The following SLCO1B3 variants were observed in gnomAD, a reference collection of about 807,000 sequenced individuals.
The protein encoded by SLCO1B3 is solute carrier organic anion transporter family member 1B3, also known as liver-specific organic anion transporter 2.
In SLCO1B3, 72 loss-of-function variants were observed where a neutral mutation model predicts 71.8. The ratio of observed to expected loss-of-function variants is 1.00; its 90% CI spans 0.83 to 1.22. The LOEUF (loss-of-function observed/expected upper bound fraction) is 1.22, where lower values mean the gene tolerates loss of function less well. Ranked by LOEUF, SLCO1B3 falls within the 50% of genes most tolerant of loss-of-function variation. SLCO1B3 has a pLI of 0.00. For synonymous variants in SLCO1B3, 298 were observed against 278.4 expected (o/e 1.07, Z -0.70); for missense variants, 911 against 819.7 (o/e 1.11, Z -1.36).
intron 8 of SLCO1B3, among the ~76,000 whole-genome samples, chr12:20,872,126 C>T (rs920909967): frequency 6.6e-6 from 1 of 151,962 alleles, no homozygotes; most frequent in Non-Finnish European, 1.5e-5. Context: ...CTCTTCTCTC[C>T]CCTTGCCACA....
intron 15 of SLCO1B3, among the ~76,000 whole-genome samples, chr12:20,902,516 C>G (rs1033227704): frequency 6.6e-6 from 1 of 152,008 alleles, no homozygotes; most frequent in Non-Finnish European, 1.5e-5. Context: ...TACATATGGA[C>G]ACAAAGAAGG....
At chr12:20,907,096 G>A (rs1374537185) in intron 15 of SLCO1B3, among the ~76,000 whole-genome samples, 1 of 152,084 alleles carries the variant, frequency 6.6e-6, no homozygotes, top group Non-Finnish European at 1.5e-5. Flanking sequence ...TATATATTAT[G>A]TGAAAAAAGG....
At position 20,881,016 on chromosome 12, in the gene SLCO1B3, A is replaced by G. The variant is rs766687410; in HGVS notation, c.1493A>G (p.His498Arg). The G allele has an allele frequency of 1.9e-5, 31 of 1,600,672 alleles. No individual in the cohort carries two copies. In the South Asian group the frequency reaches 3.0e-4, roughly 16 times the overall value. The change falls in exon 12 of 16, where the codon CAT becomes CGT. Residue 498 changes from histidine (H) to arginine (R), a missense_variant. By Grantham distance (29) the His-to-Arg change is conservative. Transcript: ENST00000381545. ...AAATCCTCAAGTGGTATTAAAAAGC[A>G]TACAGTGAGTATTAGTTTTCACTTT... ...GCKSSSGIKK[H>R]TVFYNCSCVE...
At chr12:20,904,670 C>G (rs181319389) in intron 15 of SLCO1B3, among the ~76,000 whole-genome samples, 37 of 151,632 alleles carry the variant, frequency 2.4e-4, no homozygotes, top group African/African-American at 8.5e-4. Context: ...GAAGTCCAAC[C>G]CCACATTTTC....
chr12:20,865,979 A>G (rs1865366359), intron 8 of SLCO1B3, among the ~76,000 whole-genome samples: 1 of 152,082 alleles, frequency 6.6e-6, no homozygotes, highest in South Asian at 2.1e-4. Flanking sequence ...TTAAAATGCC[A>G]TGTGTCATTC....
At chr12:20,875,518 C>A in intron 9 of SLCO1B3, 41 bp downstream of exon 9, 1 of 1,567,862 alleles carries the variant, frequency 6.4e-7, no homozygotes, top group Non-Finnish European at 8.6e-7. Context: ...AATTGTTAAT[C>A]TCAATGAAAC....
rs1865215090 is a variant in SLCO1B3 at position 20,859,684 on chromosome 12, A to AT, written c.359+1118dup. ...TCTTCTTAATATCTTATTCTTCATT[A>AT]TTTTTATGGAGAATATGCCTTAAAT... On this transcript the variant is annotated intron_variant, in intron 5 of 15. Coordinates refer to ENST00000381545, the MANE Select transcript of SLCO1B3 (RefSeq NM_019844.4). 4.6e-5 allele frequency among the ~76,000 whole-genome samples: 7 copies of AT among 151,700 alleles called. No homozygotes were observed. The South Asian group carries it at 1.5e-3, about 32-fold the overall frequency.
In SLCO1B3 at chr12:20,865,099, G is replaced by A. The variant is rs538399092; in HGVS notation, c.727+2245G>A. Among the ~76,000 whole-genome samples, 42 of 152,208 alleles carry A rather than the reference G, an allele frequency of 2.8e-4. No homozygotes were observed. The Middle Eastern group carries it at 0.01, about 37-fold the overall frequency. ...TAAGATTGTGTGTGAGCCACGGGAA[G>A]CACTAGCAGGACATATCTAGCTTGG... On this transcript the variant is annotated intron_variant, in intron 8 of 15. Coordinates refer to ENST00000381545, the MANE Select transcript of SLCO1B3 (RefSeq NM_019844.4).
rs371478270 is a variant in SLCO1B3, at chr12:20,814,100, ATATC to A, written c.-66+466_-66+469del. Reference sequence around the variant, plus strand: ...TATGCTATATACATAACATATACCTATATCTATGTTATGTGTCTGCTTATATACT... The same window carrying A: ...TATGCTATATACATAACATATACCTATATGTTATGTGTCTGCTTATATACT... On this transcript the variant is annotated intron_variant, in intron 2 of 15. Coordinates refer to ENST00000381545, the MANE Select transcript of SLCO1B3 (RefSeq NM_019844.4). Among the ~76,000 whole-genome samples the A allele has an allele frequency of 3.5e-4, 54 of 152,268 alleles. No homozygotes were observed. In the East Asian group the frequency reaches 7.3e-3, roughly 21 times the overall value.
At chr12:20,844,283 C>T (rs1361601846) in intron 3 of SLCO1B3, among the ~76,000 whole-genome samples, 8 of 152,058 alleles carry the variant, frequency 5.3e-5, no homozygotes, top group Non-Finnish European at 8.8e-5. Context: ...AATAAAATTT[C>T]TGGCCAGGCG....
intron 13 of SLCO1B3, among the ~76,000 whole-genome samples, chr12:20,894,473 A>C (rs1009538326): frequency 6.6e-6 from 1 of 152,146 alleles, no homozygotes; most frequent in Non-Finnish European, 1.5e-5. Context: ...GCCAGCTCTT[A>C]GGAAAATATC....
At chr12:20,835,964 C>G (rs2196027) in intron 3 of SLCO1B3, among the ~76,000 whole-genome samples, 8,487 of 152,248 alleles carry the variant, frequency 0.056, 670 homozygotes, top group African/African-American at 0.17. Context: ...GTTTAATGGA[C>G]TCACAATTTC....
chr12:20,830,060 C>A (rs1342391196), intron 3 of SLCO1B3, among the ~76,000 whole-genome samples: 1 of 152,154 alleles, frequency 6.6e-6, no homozygotes, highest in Non-Finnish European at 1.5e-5. Context: ...TCGGGGACTG[C>A]AGCCCAGTAG....
chr12:20,901,508 T>A (rs539061870), intron 15 of SLCO1B3, 41 bp downstream of exon 15: 3 of 1,066,698 alleles, frequency 2.8e-6, no homozygotes, highest in South Asian at 1.6e-5. Context: ...GATTTTTTCT[T>A]TGTCTATGTT....
intron 8 of SLCO1B3, among the ~76,000 whole-genome samples, chr12:20,869,299 A>G (rs1865434373): frequency 1.3e-5 from 2 of 152,182 alleles, no homozygotes; most frequent in South Asian, 4.1e-4. Context: ...TGTGGGCATA[A>G]CAGAAGGCTC....
At chr12:20,870,649 T>C (rs751349832) in intron 8 of SLCO1B3, among the ~76,000 whole-genome samples, 10 of 152,194 alleles carry the variant, frequency 6.6e-5, no homozygotes, top group Non-Finnish European at 1.3e-4. Context: ...CACAGATTTC[T>C]CTGGGCTCTG....
At chr12:20,858,148 TTCCAA>T (rs1241603454) in intron 4 of SLCO1B3, among the ~76,000 whole-genome samples, 1 of 152,092 alleles carries the variant, frequency 6.6e-6, no homozygotes, top group African/African-American at 2.4e-5. Flanking sequence ...ACATTTTCCA[TTCCAA>T]TGCAATCCAG....
intron 14 of SLCO1B3, among the ~76,000 whole-genome samples, chr12:20,901,141 A>C (rs1866123423): frequency 6.6e-6 from 1 of 152,218 alleles, no homozygotes; most frequent in Non-Finnish European, 1.5e-5. Flanking sequence ...AGAGAAGAGT[A>C]GATCAAATAC....
At chr12:20,826,614 G>T (rs1591746092) in intron 3 of SLCO1B3, among the ~76,000 whole-genome samples, 3 of 148,808 alleles carry the variant, frequency 2.0e-5, no homozygotes, top group African/African-American at 7.4e-5. Context: ...TACAAATCAT[G>T]TATGATATGC....
Sources: allele counts gnomAD v4.1 joint callset (sites outside exome capture counted in the v4.1 genomes callset), GRCh38; gene constraint gnomAD v4.1.1; transcripts MANE v1.5; gene names NCBI Gene and HGNC (gene_info 2026-07-23, HGNC 2026-07-21).